The following XPO1 variants were observed in gnomAD, a reference collection of about 807,000 sequenced individuals.
XPO1 encodes the protein exportin-1.
XPO1 carries 5 observed loss-of-function variants against 133.3 expected under a neutral mutation model. That is an observed-to-expected ratio of 0.04 (90% confidence interval 0.02 to 0.08). The LOEUF is 0.08. Ranked by LOEUF, XPO1 falls within the 10% of genes least tolerant of loss-of-function variation. XPO1 has a pLI of 1.00. For missense variants in XPO1, 506 were observed against 1,267.5 expected, an observed-to-expected ratio of 0.40 and a Z score of 9.12; for synonymous variants, 419 against 408.2, an observed-to-expected ratio of 1.03 and a Z score of -0.32.
At chr2:61,479,077 T>A in intron 24 of XPO1, 111 bp from the exon 25 acceptor site, 1 of 1,303,742 alleles carries the variant, frequency 7.7e-7, no homozygotes, top group Non-Finnish European at 1.0e-6. Flanking sequence ...AAATTATCCA[T>A]AAAGTGGCTG....
chr2:61,535,718 A>G (rs1206508645), intron 1 of XPO1, among the ~76,000 whole-genome samples: 1 of 152,250 alleles, frequency 6.6e-6, no homozygotes, highest in East Asian at 1.9e-4. Flanking sequence ...ATTATTGACA[A>G]AACTGATGAG....
Position 61,492,724 on chromosome 2 carries a change from A to G in XPO1, c.1409T>C (p.Val470Ala). Residue 470 changes from valine to alanine, a missense_variant, in exon 14 of 25, where the codon GTA becomes GCA. Physicochemically the swap from Val to Ala is moderately conservative, Grantham distance 64. Transcript: ENST00000401558. The surrounding 1 kb of genome is among the most constrained non-coding windows in gnomAD (Gnocchi z 5.6). ...CTCTGTCATTATTCTTTCTGTATCTACATAATCCAGATGAGTAAGATAAAC... is the reference window on the plus strand; with the variant it reads ...CTCTGTCATTATTCTTTCTGTATCTGCATAATCCAGATGAGTAAGATAAAC... ...TLVYLTHLDY[V>A]DTERIMTEKL... 6.2e-7 allele frequency: 1 copy of G among 1,613,530 alleles called. No individual in the cohort carries two copies. The highest frequency in any genetic ancestry group is 8.5e-7 in the Non-Finnish European group (1 of 1,179,874).
chr2:61,480,103 G>A (rs1359623124), intron 24 of XPO1, among the ~76,000 whole-genome samples: 3 of 150,456 alleles, frequency 2.0e-5, no homozygotes, highest in Admixed American at 6.6e-5. Flanking sequence ...GACCTCAACT[G>A]ATCTGTCTGC....
At chr2:61,509,044 A>G (rs541146875) in intron 4 of XPO1, among the ~76,000 whole-genome samples, 15 of 152,250 alleles carry the variant, frequency 9.9e-5, no homozygotes, top group Admixed American at 7.2e-4. Flanking sequence ...CTTGTGGCCC[A>G]GGCTGGAGTG....
chr2:61,527,996 G>A (rs368446964), intron 2 of XPO1, among the ~76,000 whole-genome samples: 8 of 150,794 alleles, frequency 5.3e-5, no homozygotes, highest in African/African-American at 1.7e-4. Context: ...GCAGGATCTC[G>A]ACTCACTGCA....
chr2:61,526,639 T>C, intron 2 of XPO1, 118 bp from the exon 3 acceptor site: 2 of 693,328 alleles, frequency 2.9e-6, no homozygotes, highest in East Asian at 6.5e-5. Context: ...CTATTATTGA[T>C]GTTCAGAAAT....
At chr2:61,517,646 T>C (rs1377125787) in intron 4 of XPO1, among the ~76,000 whole-genome samples, 1 of 152,218 alleles carries the variant, frequency 6.6e-6, no homozygotes, top group Non-Finnish European at 1.5e-5. Flanking sequence ...TAGGGAATTC[T>C]TCCATTTGAC....
intron 22 of XPO1, 85 bp from the exon 23 acceptor site, chr2:61,482,624 T>TA: frequency 1.0e-6 from 1 of 985,094 alleles, no homozygotes; most frequent in Non-Finnish European, 1.4e-6. Context: ...TTTTTTTTTT[T>TA]AGACGGAGTC....
At chr2:61,500,007 A>AT (rs1270929514) in intron 6 of XPO1, 113 bp from the exon 7 acceptor site, 6 of 1,047,952 alleles carry the variant, frequency 5.7e-6, no homozygotes, top group African/African-American at 1.6e-5. Flanking sequence ...ATCACTTTTC[A>AT]TTTTCTCCTC....
rs368590385 is a variant in XPO1, at chr2:61,516,517, C to T, written c.301+6094G>A. 4.6e-5 allele frequency among the ~76,000 whole-genome samples: 7 copies of T among 152,064 alleles called. No homozygotes were observed. In the East Asian group the frequency reaches 5.9e-4, roughly 13 times the overall value. ...GCGACCTCTGCCTCCCGGGTTCAAG[C>T]GATTCTCCTGCCTCAGCCTCCCCAA... On this transcript the variant is annotated intron_variant, in intron 4 of 24. Coordinates refer to ENST00000401558, the MANE Select transcript of XPO1 (RefSeq NM_003400.4).
At chr2:61,514,123 G>A (rs1698235118) in intron 4 of XPO1, among the ~76,000 whole-genome samples, 1 of 151,466 alleles carries the variant, frequency 6.6e-6, no homozygotes, top group Non-Finnish European at 1.5e-5. Context: ...GGAGGCAGAG[G>A]TTGCAGTGAG....
intron 7 of XPO1, 24 bp from the exon 8 acceptor site, chr2:61,498,937 T>C (rs2104495525): frequency 6.4e-7 from 1 of 1,557,246 alleles, no homozygotes; most frequent in Non-Finnish European, 8.7e-7. Context: ...CACACAAAAA[T>C]ATCAGATTTA....
intron 6 of XPO1, among the ~76,000 whole-genome samples, chr2:61,501,547 C>A (rs1697519437): frequency 6.6e-6 from 1 of 151,830 alleles, no homozygotes; most frequent in South Asian, 2.1e-4. Context: ...CATGGTGAAA[C>A]CCTGTCTCTA....
chr2:61,513,456 C>A (rs1258655147), intron 4 of XPO1, among the ~76,000 whole-genome samples: 1 of 151,366 alleles, frequency 6.6e-6, no homozygotes, highest in African/African-American at 2.4e-5. Context: ...GTCTCTGCCT[C>A]CCCAGTTCAA....
At chr2:61,512,614 T>A (rs1469462854) in intron 4 of XPO1, among the ~76,000 whole-genome samples, 5 of 152,192 alleles carry the variant, frequency 3.3e-5, no homozygotes, top group Non-Finnish European at 7.3e-5. Flanking sequence ...AGATGTTCAT[T>A]CTCTCCAAAT....
chr2:61,489,006 G>C (rs761821263), intron 17 of XPO1, among the ~76,000 whole-genome samples: 1 of 152,092 alleles, frequency 6.6e-6, no homozygotes, highest in Non-Finnish European at 1.5e-5. Flanking sequence ...GGAGGTTGAG[G>C]CAGGAGAACG....
At chr2:61,493,847 A>C (rs757187353) in intron 12 of XPO1, 47 bp downstream of exon 12, 1 of 1,597,964 alleles carries the variant, frequency 6.3e-7, no homozygotes, top group Non-Finnish European at 8.6e-7. Flanking sequence ...CAGACCTCAA[A>C]ACCACAGTAT....
In XPO1 at chr2:61,537,785, C is replaced by CACA. The variant is rs1699420245; in HGVS notation, c.-231_-230insTGT. The CACA allele has an allele frequency of 4.1e-5, 3 of 72,548 alleles. No individual in the cohort carries two copies. Among genetic ancestry groups the CACA allele is most frequent in the African/African-American group, 4.9e-5 (1 of 20,364 alleles). The allele number at this position is 72,548 out of a possible 1,614,324, so 4.5% of individuals were successfully genotyped here. On this transcript the variant is annotated 5_prime_UTR_variant, in exon 1 of 25. Coordinates refer to ENST00000401558, the MANE Select transcript of XPO1 (RefSeq NM_003400.4). ...CACACACACACACACACACACACACCCGCCCCCCCCCAAAAGGGGAATTAA... is the reference window on the plus strand; with the variant it reads ...CACACACACACACACACACACACACCACACGCCCCCCCCCAAAAGGGGAATTAA...
chr2:61,517,042 T>C (rs1433102574), intron 4 of XPO1, among the ~76,000 whole-genome samples: 2 of 152,106 alleles, frequency 1.3e-5, no homozygotes, highest in Non-Finnish European at 2.9e-5. Context: ...TAGCTGGGAT[T>C]AAAGGCATCT....
Sources: gnomAD v4.1 joint callset for allele counts (sites outside exome capture counted in the v4.1 genomes callset) on GRCh38, gnomAD v4.1.1 for gene constraint, Gnocchi (gnomAD v3.1) non-coding constraint, MANE v1.5 for transcripts, NCBI Gene and HGNC (gene_info 2026-07-23, HGNC 2026-07-21) for gene names.